The following SNRPN variants were observed in gnomAD, a reference collection of about 807,000 sequenced individuals.
The protein encoded by SNRPN is small nuclear ribonucleoprotein polypeptide N.
Under a neutral mutation model 25.2 loss-of-function variants are expected in SNRPN, and 7 were observed. That is an observed-to-expected ratio of 0.28 (90% CI 0.16 to 0.52). The LOEUF (loss-of-function observed/expected upper bound fraction) is 0.52, where lower values mean the gene tolerates loss of function less well. SNRPN is among the 20% of genes least tolerant of loss of function. The pLI, the probability that SNRPN is intolerant of heterozygous loss-of-function variation, is 0.96. For synonymous variants in SNRPN, 124 were observed against 110.6 expected (o/e 1.12, Z -0.76); for missense variants, 196 against 322.5 (o/e 0.61, Z 3.00).
At chr15:24,866,107 CCTTT>C (rs1043393865) in intron 1 of SNRPN, among the ~76,000 whole-genome samples, 1 of 152,014 alleles carries the variant, frequency 6.6e-6, no homozygotes, top group African/African-American at 2.4e-5. Flanking sequence ...TTATGTAATG[CCTTT>C]CTATTTCCCT....
intron 3 of SNRPN, among the ~76,000 whole-genome samples, chr15:24,941,839 C>T (rs947991712): frequency 3.9e-5 from 6 of 151,952 alleles, no homozygotes; most frequent in Non-Finnish European, 7.4e-5. Flanking sequence ...AGTGCAGTGG[C>T]GCAATCTCAG....
At chr15:24,963,350 C>T (rs763825769) in intron 2 of SNRPN, among the ~76,000 whole-genome samples, 6 of 152,132 alleles carry the variant, frequency 3.9e-5, no homozygotes, top group African/African-American at 1.4e-4. Flanking sequence ...GGCATGGTGG[C>T]CCATGCCTGT....
At chr15:24,916,084 G>T (rs901187894) in intron 2 of SNRPN, among the ~76,000 whole-genome samples, 1 of 146,564 alleles carries the variant, frequency 6.8e-6, no homozygotes, top group Admixed American at 7.2e-5. Context: ...TGATTCTCCT[G>T]CCTCAGCCTC....
At chr15:24,962,071 T>C (rs1442257425) in intron 1 of SNRPN, 43 bp from the exon 2 acceptor site, 2 of 1,441,928 alleles carry the variant, frequency 1.4e-6, no homozygotes, top group African/African-American at 1.4e-5. Flanking sequence ...ATTTCATAGA[T>C]TGATGCAGTC....
chr15:24,875,597 TC>T (rs900027169), intron 1 of SNRPN, among the ~76,000 whole-genome samples: 1 of 152,066 alleles, frequency 6.6e-6, no homozygotes, highest in Non-Finnish European at 1.5e-5. Flanking sequence ...AAATCAATTT[TC>T]CCCCCATTGA....
At chr15:24,884,781 A>T (rs927412060) in intron 1 of SNRPN, among the ~76,000 whole-genome samples, 1 of 152,160 alleles carries the variant, frequency 6.6e-6, no homozygotes, top group African/African-American at 2.4e-5. Context: ...GCCAATTTCA[A>T]AATGTTTGTA....
chr15:24,882,803 G>T (rs1341971731), intron 1 of SNRPN, among the ~76,000 whole-genome samples: 1 of 115,238 alleles, frequency 8.7e-6, no homozygotes, highest in African/African-American at 3.4e-5. Context: ...CAGCTTGGGC[G>T]ACAGAGCGAG....
chr15:24,931,203 CACA>C (rs1292494971), intron 3 of SNRPN, among the ~76,000 whole-genome samples: 4 of 152,124 alleles, frequency 2.6e-5, no homozygotes, highest in African/African-American at 9.7e-5. Flanking sequence ...TTTTGCCTGG[CACA>C]ACATTTCCTT....
chr15:24,885,046 G>C (rs2057074448), intron 1 of SNRPN, among the ~76,000 whole-genome samples: 1 of 152,142 alleles, frequency 6.6e-6, no homozygotes, highest in South Asian at 2.1e-4. Flanking sequence ...CGTGCAGATG[G>C]GTTGAGAGCA....
upstream of SNRPN, among the ~76,000 whole-genome samples, chr15:24,952,429 G>A (rs193089739): frequency 2.1e-3 from 325 of 152,284 alleles, 9 homozygotes; most frequent in Admixed American, 0.019. Flanking sequence ...TCATAGTGGA[G>A]TTTAGTGGCA....
At chr15:24,904,682 G>C (rs1288234003) in intron 2 of SNRPN, among the ~76,000 whole-genome samples, 1 of 148,694 alleles carries the variant, frequency 6.7e-6, no homozygotes, top group East Asian at 2.0e-4. Context: ...AGAAAAGAAA[G>C]AAAGAAAATC....
At chr15:24,900,384 G>A (rs117010340) in intron 2 of SNRPN, among the ~76,000 whole-genome samples, 3,158 of 152,270 alleles carry the variant, frequency 0.021, 55 homozygotes, top group Middle Eastern at 0.037. Context: ...TTGGAATGGG[G>A]GAATCTGTTT....
chr15:24,881,368 CA>C (rs71127009), intron 1 of SNRPN, among the ~76,000 whole-genome samples: 9 of 146,428 alleles, frequency 6.1e-5, no homozygotes, highest in Middle Eastern at 3.5e-3. Flanking sequence ...ACTAAAAATA[CA>C]AAAAAAAAAC....
intron 2 of SNRPN, among the ~76,000 whole-genome samples, chr15:24,907,966 T>C (rs938292057): frequency 2.2e-5 from 3 of 137,970 alleles, no homozygotes; most frequent in African/African-American, 8.2e-5. Flanking sequence ...GGCAGGAGAA[T>C]CACTTGAACC....
intron 3 of SNRPN, among the ~76,000 whole-genome samples, chr15:24,968,575 T>C (rs2075994419): frequency 6.6e-6 from 1 of 152,172 alleles, no homozygotes; most frequent in African/African-American, 2.4e-5. Flanking sequence ...TTAGTATTCA[T>C]TGCTTTCGAA....
upstream of SNRPN, among the ~76,000 whole-genome samples, chr15:24,952,416 A>T (rs1008943777): frequency 6.6e-6 from 1 of 152,216 alleles, no homozygotes; most frequent in African/African-American, 2.4e-5. Flanking sequence ...GTCTACTAGC[A>T]TGTCATAGTG....
At chr15:24,918,993 G>T (rs2059852904) in intron 2 of SNRPN, among the ~76,000 whole-genome samples, 1 of 118,818 alleles carries the variant, frequency 8.4e-6, no homozygotes, top group Non-Finnish European at 1.7e-5. Flanking sequence ...ATATATATGT[G>T]CGCATATATA....
chr15:24,833,104 C>CAAAAAAAAAAAAAAA (rs10696281), intron 2 of SNRPN, among the ~76,000 whole-genome samples: 1 of 61,770 alleles, frequency 1.6e-5, no homozygotes, highest in African/African-American at 6.5e-5. Context: ...GACTCTGTCT[C>CAAAAAAAAAAAAAAA]AAAAAAAAAA....
chr15:24,961,378 A>G (rs2074779440), intron 1 of SNRPN, among the ~76,000 whole-genome samples: 1 of 152,154 alleles, frequency 6.6e-6, no homozygotes, highest in Admixed American at 6.5e-5. Context: ...TTGAGATATT[A>G]CTTGTGTTAC....
Sources: gnomAD v4.1 joint callset for allele counts (sites outside exome capture counted in the v4.1 genomes callset) on GRCh38, gnomAD v4.1.1 for gene constraint, MANE v1.5 for transcripts, NCBI Gene and HGNC (gene_info 2026-07-23, HGNC 2026-07-21) for gene names.